ARHGEF2: variants seen among roughly 807,000 people sequenced by gnomAD.
The protein encoded by ARHGEF2 is Rho/Rac guanine nucleotide exchange factor 2.
A neutral mutation model predicts 121.0 loss-of-function variants in ARHGEF2; 22 were observed. The observed-to-expected ratio is 0.18, with a 90% confidence interval of 0.13 to 0.26. The LOEUF is 0.26. Among genes scored for constraint, ARHGEF2 ranks in the 10% least tolerant of loss-of-function variants. ARHGEF2 has a pLI of 1.00. For synonymous variants in ARHGEF2, 487 were observed against 530.0 expected (o/e 0.92, Z 1.11); for missense variants, 907 against 1,336.0 (o/e 0.68, Z 5.01).
chr1:155,970,236 C>T lies in ARHGEF2; in HGVS notation c.64-936G>A, dbSNP rs766877906. The T allele has an allele frequency of 1.1e-5, 11 of 982,556 alleles. 1 individual carries two copies. Among genetic ancestry groups the T allele is most frequent in the African/African-American group, 1.8e-5 (1 of 56,180 alleles). The allele number at this position is 982,556 out of a possible 1,614,324, so 60.9% of individuals were successfully genotyped here. On this transcript the variant is annotated intron_variant, in intron 1 of 21. Coordinates refer to ENST00000361247, the MANE Select transcript of ARHGEF2 (RefSeq NM_001162383.2). ...TGTTGATCTCCGCAGATGGCGCACA[C>T]CTTCCTCGGAGCCTCTGAGCCGCAT...
upstream of ARHGEF2, chr1:155,978,615 G>A (rs935333548): frequency 4.8e-6 from 6 of 1,257,138 alleles, no homozygotes; most frequent in Non-Finnish European, 6.0e-6. The surrounding 1 kb of genome is among the most constrained non-coding windows in gnomAD (Gnocchi z 4.1). Flanking sequence ...CTCAGGAAGG[G>A]GGTAGGCGGA....
chr1:155,952,391 C>T (rs1379985335), intron 15 of ARHGEF2, among the ~76,000 whole-genome samples, 156 bp from the exon 16 acceptor site: 1 of 152,234 alleles, frequency 6.6e-6, no homozygotes, highest in African/African-American at 2.4e-5. Context: ...AGGTAAAGGG[C>T]AGTAAATGCC....
In ARHGEF2 at chr1:155,962,439, T is replaced by C; in HGVS notation, c.1101+154A>G. 8.3e-7 allele frequency: 1 copy of C among 1,205,840 alleles called. No homozygotes were observed. Among genetic ancestry groups the C allele is most frequent in the Non-Finnish European group, 1.2e-6 (1 of 851,982 alleles). 74.7% of individuals were successfully genotyped at this position (1,205,840 alleles called of 1,614,324 possible). On this transcript the variant is annotated intron_variant, in intron 9 of 21. Transcript: ENST00000361247. This position sits in a 1 kb window ranked among gnomAD's most constrained non-coding sequence, Gnocchi z 5.8. The stretch of plus-strand genomic sequence containing the variant: ...ACTACCACAACGTGCTCTAGCATTC[T>C]GAGGGGTTACTGCTGACAGGATCTG...
chr1:155,947,160 T>G lies in ARHGEF2; in HGVS notation c.*782A>C. The stretch of plus-strand genomic sequence containing the variant: ...ATTCTCTCCCCCACCCCTCAACTTC[T>G]TCAGAGATGTGGAGATAGGAGGCTT... On this transcript the variant is annotated 3_prime_UTR_variant, in exon 22 of 22. Coordinates refer to ENST00000361247, the MANE Select transcript of ARHGEF2 (RefSeq NM_001162383.2). 1 of 359,816 alleles carries G rather than the reference T, an allele frequency of 2.8e-6. No homozygotes were observed. The highest frequency in any genetic ancestry group is 5.5e-6 in the Non-Finnish European group (1 of 182,204). The allele number at this position is 359,816 out of a possible 1,614,324, so 22.3% of individuals were successfully genotyped here.
Position 155,965,090 on chromosome 1 carries a change from C to T in ARHGEF2, c.622G>A (p.Asp208Asn), listed in dbSNP as rs753851689. The change falls in exon 7 of 22, where the codon GAT becomes AAT. Residue 208 changes from aspartate to asparagine, a missense_variant. By Grantham distance (23) the Asp-to-Asn change is conservative. Coordinates refer to ENST00000361247, the MANE Select transcript of ARHGEF2 (RefSeq NM_001162383.2). The surrounding 1 kb of genome is among the most constrained non-coding windows in gnomAD (Gnocchi z 6.0). ...GAGTCAGCTGCAAAGTCCTTCTCAT[C>T]CATCTCAAAGTCACTCATCAGCTCA... ...YSELMSDFEM[D>N]EKDFAADSWS... 1 of 1,614,106 alleles carries T rather than the reference C, an allele frequency of 6.2e-7. No individual in the cohort carries two copies. Among genetic ancestry groups the T allele is most frequent in the Admixed American group, 1.7e-5 (1 of 60,016 alleles).
chr1:155,957,950 T>A lies in ARHGEF2; in HGVS notation c.1546-68A>T, dbSNP rs573381809. 227 of 1,512,622 alleles carry A rather than the reference T, an allele frequency of 1.5e-4. 1 individual carries two copies. In the African/African-American group the frequency reaches 2.9e-3, roughly 19 times the overall value. 93.7% of individuals were successfully genotyped at this position (1,512,622 alleles called of 1,614,324 possible). On this transcript the variant is annotated intron_variant, in intron 12 of 21. Coordinates refer to ENST00000361247, the MANE Select transcript of ARHGEF2 (RefSeq NM_001162383.2). The stretch of plus-strand genomic sequence containing the variant: ...TCCCTTGGCATATTTAGGCCTTCAA[T>A]CCTTCTGGACGAGGACTGAAAGGAC...
At position 155,950,347 on chromosome 1, in the gene ARHGEF2, T is replaced by A. The variant is rs1170896455; in HGVS notation, c.2839A>T (p.Ser947Cys). The change falls in exon 21 of 22, where the codon AGC becomes TGC. Residue 947 changes from serine (S) to cysteine (C), a missense_variant. By Grantham distance (112) the Ser-to-Cys change is moderately radical (BLOSUM62 -1). Around this residue, in one of 2 missense-constraint regions of ARHGEF2, gnomAD observed 432 missense variants for 559.5 expected, o/e 0.77. Transcript: ENST00000361247. This position sits in a 1 kb window ranked among gnomAD's most constrained non-coding sequence, Gnocchi z 5.2. ...LQDSSDPDTG[S>C]EEEGSSRLSP... is the part of the protein sequence containing the mutation. The stretch of plus-strand genomic sequence containing the variant: ...AGACGGCTGCTACCTTCCTCCTCGC[T>A]GCCAGTGTCAGGGTCACTGCTGTCT... The A allele has an allele frequency of 1.2e-6, 2 of 1,613,810 alleles. No homozygotes were observed.
At chr1:155,977,334 G>C (rs529690757) in intron 1 of ARHGEF2, among the ~76,000 whole-genome samples, 1 of 152,256 alleles carries the variant, frequency 6.6e-6, no homozygotes, top group Non-Finnish European at 1.5e-5. Flanking sequence ...TGGGGTCTGG[G>C]TGTGGAAAGG....
Position 155,978,142 on chromosome 1 carries a change from C to A in ARHGEF2, c.63+223G>T. On this transcript the variant is annotated intron_variant, in intron 1 of 21. Transcript: ENST00000361247. The surrounding 1 kb of genome is among the most constrained non-coding windows in gnomAD (Gnocchi z 4.1). ...GAGGCGACCAAGCCCAGGTCCGCTC[C>A]GCTCCCTCCCGGGATCCCAGCACCG... 1 of 1,275,922 alleles carries A rather than the reference C, an allele frequency of 7.8e-7. No individual in the cohort carries two copies. 79.0% of individuals were successfully genotyped at this position (1,275,922 alleles called of 1,614,324 possible).
At position 155,971,868 on chromosome 1, in the gene ARHGEF2, C is replaced by T. The variant is rs985840156; in HGVS notation, c.64-2568G>A. Among the ~76,000 whole-genome samples, 8 of 150,270 alleles carry T rather than the reference C, an allele frequency of 5.3e-5. No individual in the cohort carries two copies. The South Asian group carries it at 1.3e-3, about 24-fold the overall frequency. ...TTTGAGAACAACCTGAGCAACACAG[C>T]GAGACCCATCTCTATAAAAAAAAAA... On this transcript the variant is annotated intron_variant, in intron 1 of 21. Transcript: ENST00000361247.
chr1:155,949,675 A>G (rs1170612849), intron 21 of ARHGEF2, among the ~76,000 whole-genome samples: 4 of 151,570 alleles, frequency 2.6e-5, no homozygotes, highest in Admixed American at 1.3e-4. Flanking sequence ...TCAGCCGTTC[A>G]AGACCAACCT....
At chr1:155,976,528 A>T (rs966449770) in intron 1 of ARHGEF2, among the ~76,000 whole-genome samples, 7 of 148,048 alleles carry the variant, frequency 4.7e-5, no homozygotes, top group African/African-American at 7.4e-5. Context: ...AAAAACAAAA[A>T]CAGAGCATGA....
intron 11 of ARHGEF2, among the ~76,000 whole-genome samples, chr1:155,958,597 C>G (rs1277525338): frequency 7.5e-6 from 1 of 132,876 alleles, no homozygotes; most frequent in South Asian, 2.4e-4. Flanking sequence ...TTTTTTGATA[C>G]AGAGTTTTCA....
At position 155,977,742 on chromosome 1, in the gene ARHGEF2, G is replaced by C. The variant is rs140090299; in HGVS notation, c.63+623C>G. 9.9e-3 allele frequency among the ~76,000 whole-genome samples: 1,514 copies of C among 152,282 alleles called. 95 individuals are homozygous for C. The highest frequency in any genetic ancestry group is 0.085 in the Admixed American group (1,297 of 15,300). ...GTTTGGGGGAAGTAAGCCGTCCCTC[G>C]GCCGTCCCGACCCCAGCCACCCGCC... On this transcript the variant is annotated intron_variant, in intron 1 of 21. Transcript: ENST00000361247.
intron 2 of ARHGEF2, among the ~76,000 whole-genome samples, chr1:155,967,376 G>A (rs941604421): frequency 1.8e-4 from 27 of 152,176 alleles, no homozygotes; most frequent in Non-Finnish European, 3.1e-4. Context: ...CCCGTAGAGG[G>A]AGGTTCAGTT....
chr1:155,958,434 G>A (rs1293503947), intron 11 of ARHGEF2, 38 bp from the exon 12 acceptor site: 1 of 1,547,398 alleles, frequency 6.5e-7, no homozygotes, highest in East Asian at 2.2e-5. Flanking sequence ...GTCAGCACTA[G>A]ACGGTCTGAG....
intron 1 of ARHGEF2, 198 bp from the exon 2 acceptor site, chr1:155,969,498 C>T: frequency 4.9e-6 from 7 of 1,416,580 alleles, no homozygotes; most frequent in Non-Finnish European, 6.4e-6. Flanking sequence ...GGCTCTGGGG[C>T]AGCCAGCCCG....
intron 1 of ARHGEF2, among the ~76,000 whole-genome samples, chr1:155,977,357 G>A (rs1681477797): frequency 6.6e-6 from 1 of 152,122 alleles, no homozygotes; most frequent in Non-Finnish European, 1.5e-5. Flanking sequence ...AGGGCACTTG[G>A]GAATGGGGCT....
intron 21 of ARHGEF2, 83 bp from the exon 22 acceptor site, chr1:155,948,098 G>T (rs983305794): frequency 8.3e-6 from 9 of 1,090,864 alleles, no homozygotes; most frequent in African/African-American, 6.3e-5. Flanking sequence ...CTCCCCATCT[G>T]CAGGCTCAGG....
Sources: allele counts gnomAD v4.1 joint callset (sites outside exome capture counted in the v4.1 genomes callset), GRCh38; gene constraint gnomAD v4.1.1; regional missense constraint gnomAD v4.1.1; non-coding constraint Gnocchi (gnomAD v3.1); transcripts MANE v1.5; gene names NCBI Gene and HGNC (gene_info 2026-07-23, HGNC 2026-07-21).